Variants in E2F3 observed in about 807,000 individuals in gnomAD.
E2F3 encodes E2F transcription factor 3.
E2F3 carries 11 observed loss-of-function variants against 44.4 expected under a neutral mutation model. That is an observed-to-expected ratio of 0.25 (90% confidence interval 0.16 to 0.41). E2F3 has a LOEUF of 0.41. Ranked by LOEUF, E2F3 falls within the 10% of genes least tolerant of loss-of-function variation. The pLI, the probability that E2F3 is intolerant of heterozygous loss-of-function variation, is 1.00. For missense variants in E2F3, 487 were observed against 583.6 expected (o/e 0.83, Z 1.70); for synonymous variants, 249 against 253.0 (o/e 0.98, Z 0.15).
chr6:20,488,981 G>T (rs947690442), intron 6 of E2F3, among the ~76,000 whole-genome samples: 1 of 151,956 alleles, frequency 6.6e-6, no homozygotes, highest in Non-Finnish European at 1.5e-5. Context: ...GACAGAGTGA[G>T]ACTCCATCTC....
rs546144549 is a variant in E2F3, at chr6:20,457,772, G to A, written c.394-22074G>A. On this transcript the variant is annotated intron_variant, in intron 1 of 6. Coordinates refer to ENST00000346618, the MANE Select transcript of E2F3 (RefSeq NM_001949.5). ...AATAGAGCCAGGGTCCTTGATAGAC[G>A]TCATAGTTTGTTATTGACTTTATCA... Among the ~76,000 whole-genome samples, 9 of 152,144 alleles carry A rather than the reference G, an allele frequency of 5.9e-5. No individual in the cohort carries two copies. The South Asian group carries it at 8.3e-4, about 14-fold the overall frequency.
chr6:20,426,538 C>A (rs1760221442), intron 1 of E2F3, among the ~76,000 whole-genome samples: 1 of 45,406 alleles, frequency 2.2e-5, no homozygotes, highest in South Asian at 1.4e-3. Flanking sequence ...GCAGTTATGG[C>A]TGAAATATCT....
At chr6:20,466,587 C>T (rs1761717775) in intron 1 of E2F3, among the ~76,000 whole-genome samples, 1 of 151,868 alleles carries the variant, frequency 6.6e-6, no homozygotes, top group African/African-American at 2.4e-5. Flanking sequence ...TTTATTCATC[C>T]CATTTCTTAA....
intron 1 of E2F3, among the ~76,000 whole-genome samples, chr6:20,423,017 C>A (rs1410767264): frequency 6.6e-6 from 1 of 152,196 alleles, no homozygotes. Flanking sequence ...ACTGCAGTAT[C>A]CGTGGAGCAC....
At chr6:20,437,826 T>TCCAA (rs778246887) in intron 1 of E2F3, 1 of 152,122 alleles carries the variant, frequency 6.6e-6, no homozygotes, top group Non-Finnish European at 1.5e-5. Flanking sequence ...GGAAGCAGAG[T>TCCAA]CCAAGAGAAA....
chr6:20,465,698 T>C (rs565800170), intron 1 of E2F3, among the ~76,000 whole-genome samples: 1 of 152,340 alleles, frequency 6.6e-6, no homozygotes, highest in South Asian at 2.1e-4. Context: ...GAACATACGA[T>C]GTTTGGTTTT....
intron 1 of E2F3, chr6:20,437,829 A>G (rs779024016): frequency 1.1e-4 from 17 of 152,220 alleles, no homozygotes; most frequent in Non-Finnish European, 2.5e-4. Flanking sequence ...AGCAGAGTCC[A>G]AGAGAAATGC....
intron 1 of E2F3, among the ~76,000 whole-genome samples, chr6:20,451,642 T>A (rs1157979163): frequency 6.6e-6 from 1 of 152,180 alleles, no homozygotes; most frequent in Non-Finnish European, 1.5e-5. Context: ...TTTGCCAGTT[T>A]TCAAGGGGAA....
chr6:20,409,127 CTG>C (rs1274821905), intron 1 of E2F3, among the ~76,000 whole-genome samples: 1 of 152,218 alleles, frequency 6.6e-6, no homozygotes, highest in African/African-American at 2.4e-5. Flanking sequence ...AGAAGGTTAA[CTG>C]TGTCTCATGA....
chr6:20,441,406 A>G (rs2127596637), intron 1 of E2F3, among the ~76,000 whole-genome samples: 1 of 152,248 alleles, frequency 6.6e-6, no homozygotes, highest in African/African-American at 2.4e-5. Flanking sequence ...CTTTTCATTC[A>G]TCAATGGACA....
chr6:20,424,049 T>C (rs951923111), intron 1 of E2F3, among the ~76,000 whole-genome samples: 4 of 152,166 alleles, frequency 2.6e-5, no homozygotes, highest in African/African-American at 9.7e-5. Flanking sequence ...GGATTACAGG[T>C]GTGAGCCACT....
chr6:20,476,782 C>T (rs1407879895), intron 1 of E2F3, among the ~76,000 whole-genome samples: 6 of 152,204 alleles, frequency 3.9e-5, no homozygotes, highest in Non-Finnish European at 8.8e-5. Flanking sequence ...GATGGCTCCC[C>T]AAGGAACAAA....
intron 5 of E2F3, among the ~76,000 whole-genome samples, chr6:20,487,880 C>T (rs898732677): frequency 6.6e-6 from 1 of 152,202 alleles, no homozygotes; most frequent in Non-Finnish European, 1.5e-5. Flanking sequence ...ATGTGACTCT[C>T]TTCCAATAAA....
chr6:20,447,005 G>A (rs1345937893), intron 1 of E2F3, among the ~76,000 whole-genome samples: 1 of 152,162 alleles, frequency 6.6e-6, no homozygotes, highest in Non-Finnish European at 1.5e-5. Flanking sequence ...AAAGAAATGT[G>A]GCCACCTTAG....
intron 2 of E2F3, among the ~76,000 whole-genome samples, chr6:20,480,886 A>G (rs1762201624): frequency 6.6e-6 from 1 of 152,134 alleles, no homozygotes; most frequent in African/African-American, 2.4e-5. Context: ...CATTCATTTG[A>G]CAGATATTTT....
chr6:20,443,768 C>G (rs1334076579), intron 1 of E2F3, among the ~76,000 whole-genome samples: 1 of 152,130 alleles, frequency 6.6e-6, no homozygotes, highest in Non-Finnish European at 1.5e-5. Flanking sequence ...ATGGCCCTAA[C>G]ATTTATTTAG....
intron 1 of E2F3, among the ~76,000 whole-genome samples, chr6:20,414,673 A>G (rs1395855760): frequency 6.6e-6 from 1 of 152,198 alleles, no homozygotes; most frequent in Non-Finnish European, 1.5e-5. Flanking sequence ...TATGTTGGGT[A>G]GCAGAACTTG....
intron 1 of E2F3, among the ~76,000 whole-genome samples, chr6:20,428,463 T>G (rs1461566882): frequency 6.6e-6 from 1 of 152,186 alleles, no homozygotes; most frequent in African/African-American, 2.4e-5. Context: ...CCTCAAGTGA[T>G]CCACCTGCCT....
At chr6:20,459,542 A>G (rs896156988) in intron 1 of E2F3, among the ~76,000 whole-genome samples, 1 of 152,250 alleles carries the variant, frequency 6.6e-6, no homozygotes, top group African/African-American at 2.4e-5. Flanking sequence ...TTTAATACAT[A>G]GAAAATTTTT....
Sources: allele counts gnomAD v4.1 joint callset (sites outside exome capture counted in the v4.1 genomes callset), GRCh38; gene constraint gnomAD v4.1.1; transcripts MANE v1.5; gene names NCBI Gene and HGNC (gene_info 2026-07-23, HGNC 2026-07-21).